Variants in NRXN3 observed in about 807,000 individuals in gnomAD.
NRXN3 encodes the protein neurexin 3, also known as neurexin III.
Under a neutral mutation model 137.6 loss-of-function variants are expected in NRXN3, and 32 were observed. That is an observed-to-expected ratio of 0.23 (90% CI 0.18 to 0.31). NRXN3 has a LOEUF of 0.31. Among genes scored for constraint, NRXN3 ranks in the 10% least tolerant of loss-of-function variants. The probability of loss-of-function intolerance (pLI) is 1.00; values close to 1 mark genes in which losing one functional copy is unlikely to be tolerated. For synonymous variants in NRXN3, 798 were observed against 784.5 expected, an observed-to-expected ratio of 1.02 and a Z score of -0.29; for missense variants, 1,574 against 2,062.5, an observed-to-expected ratio of 0.76 and a Z score of 4.59.
At chr14:79,102,987 A>T (rs934341937) in intron 15 of NRXN3, among the ~76,000 whole-genome samples, 22 of 152,344 alleles carry the variant, frequency 1.4e-4, no homozygotes, top group Admixed American at 1.2e-3. Flanking sequence ...AGAGGTAAAT[A>T]GTTGCATTAC....
intron 17 of NRXN3, among the ~76,000 whole-genome samples, chr14:79,678,440 C>T (rs1457353030): frequency 6.6e-6 from 1 of 152,022 alleles, no homozygotes; most frequent in East Asian, 1.9e-4. Flanking sequence ...CAAGTTTAAA[C>T]CCAGGTTAAG....
intron 15 of NRXN3, among the ~76,000 whole-genome samples, chr14:79,301,560 T>G (rs2085139872): frequency 6.6e-6 from 1 of 151,928 alleles, no homozygotes; most frequent in Non-Finnish European, 1.5e-5. Flanking sequence ...GTGACAGAAG[T>G]GAAACTGAAA....
chr14:78,243,799 G>T lies in NRXN3; in HGVS notation c.706G>T (p.Glu236Ter). The part of the protein sequence containing the change: ...TTGYGGKLCS[E>*]DVSQDPGLSH... Reference sequence around the variant, plus strand: ...TGGCTATGGTGGCAAGCTCTGCTCAGAAGGTAAGACCCTCTCCCTCTCTTG... The same window carrying T: ...TGGCTATGGTGGCAAGCTCTGCTCATAAGGTAAGACCCTCTCCCTCTCTTG... The change falls in exon 2 of 21, where the codon GAA becomes TAA. Residue 236 changes from glutamate to a stop codon, truncating the protein, a stop_gained. Transcript: ENST00000335750. LOFTEE classifies it high-confidence loss of function. This position sits in a 1 kb window ranked among gnomAD's most constrained non-coding sequence, Gnocchi z 4.2. The T allele has an allele frequency of 6.4e-7, 1 of 1,573,564 alleles. No homozygotes were observed. The highest frequency in any genetic ancestry group is 8.6e-7 in the Non-Finnish European group (1 of 1,167,222).
chr14:78,466,372 G>C (rs2095107153), intron 4 of NRXN3, among the ~76,000 whole-genome samples: 1 of 152,182 alleles, frequency 6.6e-6, no homozygotes, highest in Non-Finnish European at 1.5e-5. Flanking sequence ...AGTTTTGATA[G>C]GGGTCTGGGC....
At chr14:78,220,096 T>C (rs1228372022) in intron 1 of NRXN3, among the ~76,000 whole-genome samples, 1 of 152,002 alleles carries the variant, frequency 6.6e-6, no homozygotes, top group Non-Finnish European at 1.5e-5. Flanking sequence ...CTGGGCCTGC[T>C]GAGTGGATGA....
At chr14:79,513,816 A>G (rs931442563) in intron 16 of NRXN3, among the ~76,000 whole-genome samples, 1 of 152,198 alleles carries the variant, frequency 6.6e-6, no homozygotes, top group Admixed American at 6.5e-5. Context: ...CTGTGAGCAC[A>G]AATTCTACAA....
chr14:79,819,687 G>A (rs1201307616), intron 20 of NRXN3, among the ~76,000 whole-genome samples: 1 of 151,832 alleles, frequency 6.6e-6, no homozygotes, highest in Non-Finnish European at 1.5e-5. Flanking sequence ...GTTTCACCAT[G>A]TTGGCCAGAC....
At chr14:79,739,612 G>A (rs2098953654) in intron 19 of NRXN3, among the ~76,000 whole-genome samples, 1 of 123,046 alleles carries the variant, frequency 8.1e-6, no homozygotes, top group Non-Finnish European at 1.6e-5. Context: ...CCACTGCACT[G>A]CACTGCAGCC....
At chr14:79,804,599 G>A (rs2099196166) in intron 19 of NRXN3, among the ~76,000 whole-genome samples, 1 of 152,126 alleles carries the variant, frequency 6.6e-6, no homozygotes, top group Non-Finnish European at 1.5e-5. Flanking sequence ...CCATTATGCA[G>A]TTCCTAAAGA....
intron 20 of NRXN3, among the ~76,000 whole-genome samples, chr14:79,847,636 T>C (rs1430796569): frequency 6.6e-6 from 1 of 152,210 alleles, no homozygotes; most frequent in Non-Finnish European, 1.5e-5. Context: ...CAAGATGTTA[T>C]TAGCTATATT....
intron 20 of NRXN3, among the ~76,000 whole-genome samples, chr14:79,847,653 G>A (rs1302840980): frequency 6.6e-6 from 1 of 152,144 alleles, no homozygotes; most frequent in East Asian, 1.9e-4. Context: ...TATTTTATGA[G>A]CTCAGCACTC....
intron 1 of NRXN3, among the ~76,000 whole-genome samples, chr14:78,233,688 C>CAAAAAA (rs10673907): frequency 2.2e-4 from 26 of 117,554 alleles, no homozygotes; most frequent in African/African-American, 4.4e-4. Context: ...AAGTATGCTT[C>CAAAAAA]AAAAAAAAAA....
chr14:78,909,432 A>G (rs956060640), intron 10 of NRXN3, among the ~76,000 whole-genome samples: 4 of 152,296 alleles, frequency 2.6e-5, no homozygotes, highest in Middle Eastern at 3.4e-3. Context: ...TGTTTTGAGA[A>G]AGCCAAATTT....
In NRXN3 at chr14:79,442,944, C is replaced by A. The variant is rs141763946; in HGVS notation, c.3263-24277C>A. On this transcript the variant is annotated intron_variant, in intron 15 of 20. Coordinates refer to ENST00000335750, the MANE Select transcript of NRXN3 (RefSeq NM_001330195.2). The stretch of plus-strand genomic sequence containing the variant: ...AGTTTAGTGTTTATGGCAATCCTCC[C>A]GATGGGGAGAGAAATGAGCCGGCGA... Among the ~76,000 whole-genome samples, 27 of 152,236 alleles carry A rather than the reference C, an allele frequency of 1.8e-4. No individual in the cohort carries two copies. The East Asian group carries it at 5.0e-3, about 28-fold the overall frequency.
At chr14:79,494,179 T>C (rs1282042658) in intron 16 of NRXN3, among the ~76,000 whole-genome samples, 2 of 152,324 alleles carry the variant, frequency 1.3e-5, no homozygotes, top group East Asian at 1.9e-4. Context: ...CCTACAGATA[T>C]AGATCATTAA....
At chr14:79,295,427 C>G (rs917684670) in intron 15 of NRXN3, among the ~76,000 whole-genome samples, 5 of 152,096 alleles carry the variant, frequency 3.3e-5, no homozygotes, top group Admixed American at 6.6e-5. Context: ...AGCACTCTTT[C>G]AAATGTCTCT....
intron 4 of NRXN3, among the ~76,000 whole-genome samples, chr14:78,485,070 C>G (rs936579294): frequency 6.6e-6 from 1 of 152,174 alleles, no homozygotes; most frequent in South Asian, 2.1e-4. Flanking sequence ...AAAGCTCCCC[C>G]ACTGCAGAGT....
At chr14:78,395,577 T>C (rs1049473694) in intron 4 of NRXN3, among the ~76,000 whole-genome samples, 14 of 152,002 alleles carry the variant, frequency 9.2e-5, no homozygotes, top group African/African-American at 2.9e-4. Flanking sequence ...TGATTTTCTA[T>C]CTAGTTGTCC....
intron 14 of NRXN3, among the ~76,000 whole-genome samples, chr14:78,982,305 C>T (rs1417938125): frequency 6.6e-6 from 1 of 152,054 alleles, no homozygotes; most frequent in African/African-American, 2.4e-5. Context: ...ATAGAACCCT[C>T]ACGCTATACC....
Sources: allele counts gnomAD v4.1 joint callset (sites outside exome capture counted in the v4.1 genomes callset), GRCh38; gene constraint gnomAD v4.1.1; non-coding constraint Gnocchi (gnomAD v3.1); transcripts MANE v1.5; gene names NCBI Gene and HGNC (gene_info 2026-07-23, HGNC 2026-07-21).